MAP2: variants seen among roughly 807,000 people sequenced by gnomAD.
MAP2 encodes microtubule associated protein 2, also known as microtubule-associated protein 2.
Under a neutral mutation model 137.6 loss-of-function variants are expected in MAP2, and 14 were observed. The observed-to-expected ratio is 0.10, with a 90% CI of 0.07 to 0.16. The LOEUF is 0.16. MAP2 is among the 10% of genes least tolerant of loss of function. The pLI is 1.00. For synonymous variants in MAP2, 786 were observed against 782.3 expected, an observed-to-expected ratio of 1.00 and a Z score of -0.08; for missense variants, 2,088 against 2,191.5, an observed-to-expected ratio of 0.95 and a Z score of 0.94.
chr2:209,657,918 G>A (rs1262707027), intron 5 of MAP2, among the ~76,000 whole-genome samples: 1 of 152,098 alleles, frequency 6.6e-6, no homozygotes, highest in East Asian at 1.9e-4. Flanking sequence ...TTAAGTTAAA[G>A]CATCATTTTA....
At chr2:209,546,555 C>T (rs979878987) in intron 2 of MAP2, among the ~76,000 whole-genome samples, 1 of 152,168 alleles carries the variant, frequency 6.6e-6, no homozygotes, top group African/African-American at 2.4e-5. Flanking sequence ...CTTTGAGTCC[C>T]AGTTGCCTCA....
At chr2:209,665,309 ATCT>A (rs2153646976) in intron 5 of MAP2, among the ~76,000 whole-genome samples, 1 of 152,370 alleles carries the variant, frequency 6.6e-6, no homozygotes, top group African/African-American at 2.4e-5. Flanking sequence ...CTAAAAGATA[ATCT>A]AGTGGTTAAG....
chr2:209,595,212 C>T (rs2080919874), intron 3 of MAP2, among the ~76,000 whole-genome samples: 1 of 149,824 alleles, frequency 6.7e-6, no homozygotes. Context: ...GGCGGTTTGG[C>T]GTAGAATATA....
chr2:209,528,820 GTATATGTACATA>G (rs2064562958), intron 2 of MAP2, among the ~76,000 whole-genome samples: 1 of 146,902 alleles, frequency 6.8e-6, no homozygotes, highest in Non-Finnish European at 1.5e-5. Context: ...ATGTATATAT[GTATATGTACATA>G]TGTATGTATA....
At chr2:209,438,693 C>T (rs1696995160) in intron 1 of MAP2, among the ~76,000 whole-genome samples, 1 of 151,440 alleles carries the variant, frequency 6.6e-6, no homozygotes, top group African/African-American at 2.4e-5. Flanking sequence ...TAGAAAAGTA[C>T]TATTGGCTTA....
intron 2 of MAP2, among the ~76,000 whole-genome samples, chr2:209,540,488 G>T (rs1255422324): frequency 6.7e-6 from 1 of 149,884 alleles, no homozygotes; most frequent in African/African-American, 2.5e-5. Context: ...GAAAATTGCC[G>T]AGCGTGGTGG....
chr2:209,429,942 C>T (rs940417480), intron 1 of MAP2, among the ~76,000 whole-genome samples: 9 of 151,868 alleles, frequency 5.9e-5, no homozygotes, highest in Non-Finnish European at 1.2e-4. Context: ...AAATAATGCT[C>T]GGCTTTGACA....
chr2:209,618,466 G>A (rs980080784), intron 3 of MAP2, among the ~76,000 whole-genome samples: 3 of 152,166 alleles, frequency 2.0e-5, no homozygotes, highest in Middle Eastern at 3.4e-3. Context: ...GTGGTATCCC[G>A]GCAAGATAAG....
intron 2 of MAP2, among the ~76,000 whole-genome samples, chr2:209,536,608 C>G (rs1012940154): frequency 6.6e-6 from 1 of 152,090 alleles, no homozygotes; most frequent in Non-Finnish European, 1.5e-5. Context: ...TTCCAGAGTC[C>G]GGTGAACAGA....
At chr2:209,720,365 A>G (rs968993627) in intron 13 of MAP2, among the ~76,000 whole-genome samples, 8 of 152,148 alleles carry the variant, frequency 5.3e-5, no homozygotes, top group African/African-American at 1.9e-4. Flanking sequence ...TAGGCCGGGC[A>G]CGGTGGCTCA....
At chr2:209,530,910 G>A (rs1158860146) in intron 2 of MAP2, among the ~76,000 whole-genome samples, 1 of 152,138 alleles carries the variant, frequency 6.6e-6, no homozygotes, top group African/African-American at 2.4e-5. Context: ...TTGCTTCTCA[G>A]TATTTATTAG....
intron 7 of MAP2, among the ~76,000 whole-genome samples, chr2:209,682,538 A>G (rs1158557725): frequency 6.6e-6 from 1 of 152,122 alleles, no homozygotes; most frequent in Non-Finnish European, 1.5e-5. Context: ...CAGAAATCCA[A>G]TAAATAAGCT....
At chr2:209,549,862 C>T (rs1299149830) in intron 2 of MAP2, among the ~76,000 whole-genome samples, 1 of 152,174 alleles carries the variant, frequency 6.6e-6, no homozygotes. Flanking sequence ...ACTTTAAAAC[C>T]AGCTCTAGCA....
At chr2:209,711,681 C>T (rs1378376570) in intron 13 of MAP2, among the ~76,000 whole-genome samples, 2 of 152,070 alleles carry the variant, frequency 1.3e-5, no homozygotes, top group African/African-American at 4.8e-5. Context: ...ATATTTTGAG[C>T]TTTTTGGAAA....
chr2:209,643,522 C>T (rs2094187614), intron 4 of MAP2, among the ~76,000 whole-genome samples: 1 of 152,158 alleles, frequency 6.6e-6, no homozygotes, highest in African/African-American at 2.4e-5. Flanking sequence ...CCCACATCCA[C>T]CTCCAAAATG....
At chr2:209,461,469 T>C (rs1702792408) in intron 1 of MAP2, among the ~76,000 whole-genome samples, 1 of 151,870 alleles carries the variant, frequency 6.6e-6, no homozygotes, top group African/African-American at 2.4e-5. Flanking sequence ...ATTTTTTTTT[T>C]TTCGAGACGG....
intron 2 of MAP2, among the ~76,000 whole-genome samples, chr2:209,549,395 C>G (rs948447288): frequency 2.0e-5 from 3 of 152,086 alleles, no homozygotes; most frequent in African/African-American, 7.2e-5. Context: ...TCTGGTGGCT[C>G]CCACTCTACC....
intron 1 of MAP2, among the ~76,000 whole-genome samples, chr2:209,477,844 A>G (rs1016330066): frequency 2.1e-5 from 3 of 141,880 alleles, no homozygotes; most frequent in Non-Finnish European, 4.6e-5. Context: ...CAAAATATTA[A>G]AAAAAAAAAA....
At chr2:209,479,808 TG>T (rs1434764853) in intron 1 of MAP2, among the ~76,000 whole-genome samples, 2 of 152,138 alleles carry the variant, frequency 1.3e-5, no homozygotes, top group African/African-American at 4.8e-5. Context: ...TTAAAAGACT[TG>T]GTAAATTATA....
Sources: gnomAD v4.1 joint callset for allele counts (sites outside exome capture counted in the v4.1 genomes callset) on GRCh38, gnomAD v4.1.1 for gene constraint, MANE v1.5 for transcripts, NCBI Gene and HGNC (gene_info 2026-07-23, HGNC 2026-07-21) for gene names.